The following KBTBD4 variants were observed in gnomAD, a reference collection of about 807,000 sequenced individuals.
The protein encoded by KBTBD4 is kelch repeat and BTB domain containing 4.
Under a neutral mutation model 43.9 loss-of-function variants are expected in KBTBD4, and 30 were observed. That is an observed-to-expected ratio of 0.68 (90% CI 0.51 to 0.93). The LOEUF is 0.93. KBTBD4 is among the 40% of genes least tolerant of loss of function. KBTBD4 has a pLI of 0.00. For missense variants in KBTBD4, 575 were observed against 668.8 expected (o/e 0.86, Z 1.55); for synonymous variants, 258 against 256.9 (o/e 1.00, Z -0.04).
chr11:47,577,187 T>G (rs2097261290), intron 2 of KBTBD4, among the ~76,000 whole-genome samples: 1 of 152,236 alleles, frequency 6.6e-6, no homozygotes. Flanking sequence ...TTAAATGTTG[T>G]GCTTTAATTT....
Position 47,572,896 on chromosome 11 carries a change from A to G in KBTBD4, c.*34T>C. 1 of 1,581,994 alleles carries G rather than the reference A, an allele frequency of 6.3e-7. No individual in the cohort carries two copies. ...CTTTGAGTTTGTATGGGGAGGGAAA[A>G]GGAGTGAGCAGTTCTCCTCCCCTCC... On this transcript the variant is annotated 3_prime_UTR_variant, in exon 4 of 4. Coordinates refer to ENST00000430070, the MANE Select transcript of KBTBD4 (RefSeq NM_018095.6).
chr11:47,578,779 G>A, intron 1 of KBTBD4, 154 bp downstream of exon 1: 3 of 1,521,024 alleles, frequency 2.0e-6, no homozygotes, highest in South Asian at 1.2e-5. Context: ...AGCGGGGGAG[G>A]GGTGTGTAGC....
intron 1 of KBTBD4, 93 bp from the exon 2 acceptor site, chr11:47,578,121 T>C: frequency 6.9e-7 from 1 of 1,456,520 alleles, no homozygotes; most frequent in African/African-American, 1.4e-5. Context: ...AAGGAAGAAG[T>C]GAGAGCAAAG....
At position 47,572,843 on chromosome 11, in the gene KBTBD4, A is replaced by AG; in HGVS notation, c.*86_*87insC. ...GCCTTTCTAGTATGTGCCAAAAAAAACATAACTCTGAATTGGGGCCCAGGG... is the reference window on the plus strand; with the variant it reads ...GCCTTTCTAGTATGTGCCAAAAAAAAGCATAACTCTGAATTGGGGCCCAGGG... On this transcript the variant is annotated 3_prime_UTR_variant, in exon 4 of 4. Coordinates refer to ENST00000430070, the MANE Select transcript of KBTBD4 (RefSeq NM_018095.6). The AG allele has an allele frequency of 2.1e-6, 3 of 1,435,010 alleles. No individual in the cohort carries two copies. The highest frequency in any genetic ancestry group is 2.8e-6 in the Non-Finnish European group (3 of 1,058,964). 88.9% of individuals were successfully genotyped at this position (1,435,010 alleles called of 1,614,324 possible).
At chr11:47,578,868 T>C in intron 1 of KBTBD4, 65 bp downstream of exon 1, 1 of 1,550,944 alleles carries the variant, frequency 6.4e-7, no homozygotes, top group South Asian at 1.2e-5. Context: ...CTCTAGGCTC[T>C]GCCACAAGGA....
intron 1 of KBTBD4, 150 bp downstream of exon 1, chr11:47,578,783 G>A: frequency 6.5e-7 from 1 of 1,528,960 alleles, no homozygotes; most frequent in Non-Finnish European, 8.8e-7. Flanking sequence ...GGGGAGGGGT[G>A]TGTAGCGTAG....
intron 2 of KBTBD4, among the ~76,000 whole-genome samples, 160 bp from the exon 3 acceptor site, chr11:47,575,859 C>CTT (rs11387133): frequency 0.011 from 1,588 of 139,908 alleles, 26 homozygotes; most frequent in Middle Eastern, 0.022. Flanking sequence ...CCTAAAATTG[C>CTT]TTTTTTTTTT....
At position 47,573,018 on chromosome 11, in the gene KBTBD4, G is replaced by C. The variant is rs753402225; in HGVS notation, c.1517C>G (p.Thr506Ser). The change falls in exon 4 of 4, where the codon ACC becomes AGC. Residue 506 changes from threonine (T) to serine (S), a missense_variant. Coordinates refer to ENST00000430070, the MANE Select transcript of KBTBD4 (RefSeq NM_018095.6). The surrounding 1 kb of genome is among the most constrained non-coding windows in gnomAD (Gnocchi z 4.1). ...RDRYKKGDAN[T>S]YKLDPATSAV... Reference sequence around the variant, plus strand: ...TGAAGTGGCAGGGTCAAGCTTGTAGGTGTTGGCATCCCCCTTTTTATATCG... The same window carrying C: ...TGAAGTGGCAGGGTCAAGCTTGTAGCTGTTGGCATCCCCCTTTTTATATCG... 1.9e-6 allele frequency: 3 copies of C among 1,614,178 alleles called. No individual in the cohort carries two copies. Among genetic ancestry groups the C allele is most frequent in the Non-Finnish European group, 2.5e-6 (3 of 1,180,032 alleles).
chr11:47,578,882 A>G (rs2097265595), intron 1 of KBTBD4, 51 bp downstream of exon 1: 1 of 1,551,006 alleles, frequency 6.4e-7, no homozygotes, highest in Non-Finnish European at 8.7e-7. Flanking sequence ...ACAAGGAGCT[A>G]GGACCACGCT....
At chr11:47,575,727 C>T (rs1337321855) in intron 2 of KBTBD4, 28 bp from the exon 3 acceptor site, 2 of 1,400,464 alleles carry the variant, frequency 1.4e-6, no homozygotes, top group East Asian at 4.6e-5. Context: ...AAGGCATGGT[C>T]AATGACAATC....
At chr11:47,574,217 C>T (rs977333290) in intron 3 of KBTBD4, among the ~76,000 whole-genome samples, 5 of 152,088 alleles carry the variant, frequency 3.3e-5, no homozygotes, top group Non-Finnish European at 7.4e-5. Context: ...CAAGAGATGG[C>T]CGGGCACAGT....
intron 2 of KBTBD4, 40 bp from the exon 3 acceptor site, chr11:47,575,739 G>A (rs12798233): frequency 3.8e-6 from 5 of 1,329,536 alleles, no homozygotes; most frequent in African/African-American, 3.0e-5. Flanking sequence ...ATGACAATCC[G>A]AAAGAGAAAT....
At position 47,572,943 on chromosome 11, in the gene KBTBD4, A is replaced by C; in HGVS notation, c.1592T>G (p.Phe531Cys). The change falls in exon 4 of 4, where the codon TTT becomes TGT. Residue 531 changes from phenylalanine (F) to cysteine (C), a missense_variant. Phe to Cys is a radical substitution (Grantham distance 205). Coordinates refer to ENST00000430070, the MANE Select transcript of KBTBD4 (RefSeq NM_018095.6). ...GIKVLLTNLQ[F>C]VLA Reference sequence around the variant, plus strand: ...CTCCCCACAGCCTTAGGCCAACACAAACTGCAAATTGGTAAGCAGCACCTT... The same window carrying C: ...CTCCCCACAGCCTTAGGCCAACACACACTGCAAATTGGTAAGCAGCACCTT... 6.2e-7 allele frequency: 1 copy of C among 1,613,574 alleles called. No homozygotes were observed. Among genetic ancestry groups the C allele is most frequent in the Non-Finnish European group, 8.5e-7 (1 of 1,179,594 alleles).
In KBTBD4 at chr11:47,572,886, G is replaced by A. The variant is rs1233237798; in HGVS notation, c.*44C>T. On this transcript the variant is annotated 3_prime_UTR_variant, in exon 4 of 4. Coordinates refer to ENST00000430070, the MANE Select transcript of KBTBD4 (RefSeq NM_018095.6). ...GCCCAGGGGACTTTGAGTTTGTATG[G>A]GGAGGGAAAAGGAGTGAGCAGTTCT... 1.3e-6 allele frequency: 2 copies of A among 1,571,528 alleles called. No homozygotes were observed. Among genetic ancestry groups the A allele is most frequent in the African/African-American group, 1.4e-5 (1 of 73,712 alleles).
chr11:47,577,025 G>A (rs2097260954), intron 2 of KBTBD4, among the ~76,000 whole-genome samples: 1 of 152,096 alleles, frequency 6.6e-6, no homozygotes, highest in African/African-American at 2.4e-5. Context: ...GGTTAGGATT[G>A]TTTCCTAACG....
At position 47,572,976 on chromosome 11, in the gene KBTBD4, CTT is replaced by C. The variant is rs1461759939; in HGVS notation, c.1557_1558del (p.Gly521TyrfsTer2). On this transcript the variant is annotated frameshift_variant, in exon 4 of 4. Transcript: ENST00000430070. LOFTEE classifies it high-confidence loss of function. ...ATTGGTAAGCAGCACCTTAATACCT[CTT>C]GTGACAGTTACGGCTGAAGTGGCAG... The C allele has an allele frequency of 3.7e-6, 6 of 1,614,196 alleles. 1 individual carries two copies. The South Asian group carries it at 4.4e-5, about 12-fold the overall frequency.
chr11:47,572,843 A>C lies in KBTBD4; in HGVS notation c.*87T>G, dbSNP rs889813839. On this transcript the variant is annotated 3_prime_UTR_variant, in exon 4 of 4. Coordinates refer to ENST00000430070, the MANE Select transcript of KBTBD4 (RefSeq NM_018095.6). ...GCCTTTCTAGTATGTGCCAAAAAAA[A>C]CATAACTCTGAATTGGGGCCCAGGG... 8 of 1,434,892 alleles carry C rather than the reference A, an allele frequency of 5.6e-6. No homozygotes were observed. In the African/African-American group the frequency reaches 5.7e-5, roughly 10 times the overall value. The allele number at this position is 1,434,892 out of a possible 1,614,324, so 88.9% of individuals were successfully genotyped here.
rs1472838239 is a variant in KBTBD4, at chr11:47,577,996, C to G, written c.52G>C (p.Glu18Gln). The G allele has an allele frequency of 1.9e-6, 3 of 1,614,074 alleles. No homozygotes were observed. The highest frequency in any genetic ancestry group is 2.5e-6 in the Non-Finnish European group (3 of 1,180,060). The change falls in exon 2 of 4, where the codon GAA (glutamate) becomes CAA (glutamine). Residue 18 changes from glutamate to glutamine, a missense_variant. Transcript: ENST00000430070. ...SWQREKLASMESPEEPGASMD... is the reference protein window; with the variant it reads ...SWQREKLASMQSPEEPGASMD... ...GATGCTCCAGGCTCCTCTGGTGATT[C>G]CATGCTAGCCAACTTCTCTCTCTGC...
Position 47,577,570 on chromosome 11 carries a change from C to T in KBTBD4, c.478G>A (p.Val160Met). Residue 160 changes from valine (V) to methionine (M), a missense_variant, in exon 2 of 4, where the codon GTG (valine) becomes ATG (methionine). Physicochemically the swap from Val to Met is conservative, Grantham distance 21. Coordinates refer to ENST00000430070, the MANE Select transcript of KBTBD4 (RefSeq NM_018095.6). ...CACATCACCTGAAGGCAGTTTCCCACTTGCACTGTGCGGGCCAAAAACCGA... is the reference window on the plus strand; with the variant it reads ...CACATCACCTGAAGGCAGTTTCCCATTTGCACTGTGCGGGCCAAAAACCGA... ...CSRFLARTVQVGNCLQVMWLA... is the reference protein window; with the variant it reads ...CSRFLARTVQMGNCLQVMWLA... 1 of 1,614,216 alleles carries T rather than the reference C, an allele frequency of 6.2e-7. No homozygotes were observed. The highest frequency in any genetic ancestry group is 8.5e-7 in the Non-Finnish European group (1 of 1,180,048).
Sources: allele counts gnomAD v4.1 joint callset (sites outside exome capture counted in the v4.1 genomes callset), GRCh38; gene constraint gnomAD v4.1.1; non-coding constraint Gnocchi (gnomAD v3.1); transcripts MANE v1.5; gene names NCBI Gene and HGNC (gene_info 2026-07-23, HGNC 2026-07-21).